Variants in FNTB observed in about 807,000 individuals in gnomAD.
FNTB encodes the protein protein farnesyltransferase subunit beta.
In FNTB, 27 loss-of-function variants were observed where a neutral mutation model predicts 59.4. That is an observed-to-expected ratio of 0.45 (90% CI 0.34 to 0.63). FNTB has a LOEUF of 0.63. Ranked by LOEUF, FNTB falls within the 20% of genes least tolerant of loss-of-function variation. The probability of loss-of-function intolerance (pLI) is 0.02; values close to 1 mark genes in which losing one functional copy is unlikely to be tolerated. For missense variants in FNTB, 449 were observed against 559.6 expected (o/e 0.80, Z 1.99); for synonymous variants, 230 against 220.7 (o/e 1.04, Z -0.37).
At chr14:65,059,065 C>T (rs1327778202) in intron 11 of FNTB, among the ~76,000 whole-genome samples, 1 of 152,102 alleles carries the variant, frequency 6.6e-6, no homozygotes, top group African/African-American at 2.4e-5. Flanking sequence ...CTCTGTCACT[C>T]ATGCTGGAGT....
rs1290254230 is a variant in FNTB at position 65,012,779 on chromosome 14, G to A, written c.282+390G>A. 1.3e-5 allele frequency among the ~76,000 whole-genome samples: 2 copies of A among 152,316 alleles called. No homozygotes were observed. Among genetic ancestry groups the A allele is most frequent in the Middle Eastern group, 3.4e-3 (1 of 294 alleles). On this transcript the variant is annotated intron_variant, in intron 3 of 11. Transcript: ENST00000246166. The surrounding 1 kb of genome is among the most constrained non-coding windows in gnomAD (Gnocchi z 5.0). ...GAGGACTATTGTCCAAACCTGTTAA[G>A]TCTGTATCGTGATGGTTACAAATTT...
intron 7 of FNTB, among the ~76,000 whole-genome samples, chr14:65,034,612 G>C (rs1300255637): frequency 1.3e-5 from 2 of 152,228 alleles, no homozygotes; most frequent in Non-Finnish European, 2.9e-5. Context: ...CTATAGTTGA[G>C]AGCTGGAGAG....
chr14:64,994,506 T>G lies in FNTB; in HGVS notation c.144+7409T>G, dbSNP rs946283891. 4.6e-5 allele frequency among the ~76,000 whole-genome samples: 7 copies of G among 152,234 alleles called. No homozygotes were observed. Among genetic ancestry groups the G allele is most frequent in the Non-Finnish European group, 8.8e-5 (6 of 68,036 alleles). On this transcript the variant is annotated intron_variant, in intron 1 of 11. Transcript: ENST00000246166. The surrounding 1 kb of genome is among the most constrained non-coding windows in gnomAD (Gnocchi z 4.2). ...GCTATATGGTATAGCTTGTTGCTCC[T>G]AGGCTACAGGCTACAAACCTACACA...
chr14:65,053,254 C>A lies in FNTB; in HGVS notation c.972C>A (p.Ser324Arg). 7.0e-7 allele frequency: 1 copy of A among 1,424,052 alleles called. No individual in the cohort carries two copies. Among genetic ancestry groups the A allele is most frequent in the Admixed American group, 2.5e-5 (1 of 40,720 alleles). The allele number at this position is 1,424,052 out of a possible 1,614,324, so 88.2% of individuals were successfully genotyped here. The change falls in exon 10 of 12, where the codon AGC (serine) becomes AGA (arginine). Residue 324 changes from serine to arginine, a missense_variant. This residue lies in a region of FNTB where 337 missense variants were observed against 479.1 expected (regional missense o/e 0.70). Transcript: ENST00000246166. ...CTTCAACAGGTGACCCTGCCCTTAGCATGAGCCACTGGATGTTCCATCAGC... is the reference window on the plus strand; with the variant it reads ...CTTCAACAGGTGACCCTGCCCTTAGAATGAGCCACTGGATGTTCCATCAGC... ...ALHAQGDPAL[S>R]MSHWMFHQQA...
intron 1 of FNTB, among the ~76,000 whole-genome samples, chr14:64,993,718 G>A (rs1237980622): frequency 6.6e-6 from 1 of 152,194 alleles, no homozygotes; most frequent in Admixed American, 6.5e-5. Context: ...TGGTATGAAA[G>A]TTGGTGCCTC....
intron 1 of FNTB, among the ~76,000 whole-genome samples, chr14:64,999,780 A>G (rs979469517): frequency 2.6e-5 from 4 of 152,228 alleles, no homozygotes; most frequent in Non-Finnish European, 5.9e-5. Context: ...TAATACACAG[A>G]TAGTCATCAG....
intron 1 of FNTB, among the ~76,000 whole-genome samples, chr14:65,003,123 G>T (rs1292048490): frequency 2.6e-5 from 4 of 152,130 alleles, no homozygotes; most frequent in African/African-American, 9.7e-5. Context: ...ATTATGGTGT[G>T]GTCTTCAGAA....
intron 7 of FNTB, among the ~76,000 whole-genome samples, chr14:65,037,759 TA>T (rs1252746618): frequency 7.2e-6 from 1 of 138,288 alleles, no homozygotes; most frequent in Non-Finnish European, 1.5e-5. Context: ...TTTATTTATT[TA>T]TTTATTTATT....
intron 1 of FNTB, among the ~76,000 whole-genome samples, chr14:64,992,683 A>G (rs1888247005): frequency 6.6e-6 from 1 of 152,068 alleles, no homozygotes; most frequent in African/African-American, 2.4e-5. Context: ...CGGTGATGCA[A>G]TCACCACTCA....
chr14:65,035,232 A>G (rs1246906279), intron 7 of FNTB, among the ~76,000 whole-genome samples: 2 of 152,122 alleles, frequency 1.3e-5, no homozygotes, highest in Non-Finnish European at 2.9e-5. Flanking sequence ...GCCCTGGGCT[A>G]TGGCTGCCAT....
At chr14:64,987,258 C>T (rs1323506696) in intron 1 of FNTB, 161 bp downstream of exon 1, 3 of 835,950 alleles carry the variant, frequency 3.6e-6, no homozygotes, top group Non-Finnish European at 5.5e-6. Context: ...CAGGCTTGGG[C>T]TTCGTCGTGG....
chr14:65,002,259 C>G (rs1200386460), intron 1 of FNTB, among the ~76,000 whole-genome samples: 1 of 152,240 alleles, frequency 6.6e-6, no homozygotes, highest in Non-Finnish European at 1.5e-5. Context: ...CAGGAGCTCT[C>G]CCATGAGACC....
At chr14:65,005,505 CT>C (rs762123788) in intron 2 of FNTB, among the ~76,000 whole-genome samples, 17 of 121,562 alleles carry the variant, frequency 1.4e-4, no homozygotes, top group African/African-American at 5.4e-4. Flanking sequence ...TTCTTTCTTT[CT>C]TTCTTTCTCT....
rs1221672073 is a variant in FNTB, at chr14:65,023,086, C to T, written c.375-4367C>T. On this transcript the variant is annotated intron_variant, in intron 4 of 11. Coordinates refer to ENST00000246166, the MANE Select transcript of FNTB (RefSeq NM_002028.4). This position sits in a 1 kb window ranked among gnomAD's most constrained non-coding sequence, Gnocchi z 4.1. ...ATTGATTAATTGATTGAGACAGGGT[C>T]TCACTCTATTGTCTGGGCTGGAATG... 6.6e-6 allele frequency among the ~76,000 whole-genome samples: 1 copy of T among 152,198 alleles called. No individual in the cohort carries two copies. Among genetic ancestry groups the T allele is most frequent in the African/African-American group, 2.4e-5 (1 of 41,438 alleles).
intron 2 of FNTB, among the ~76,000 whole-genome samples, chr14:65,010,933 A>T (rs2061673839): frequency 6.6e-6 from 1 of 151,978 alleles, no homozygotes; most frequent in Admixed American, 6.6e-5. Flanking sequence ...TTGAATTAAA[A>T]TTTTCTCCTT....
At chr14:65,045,918 G>C (rs574550479) in intron 9 of FNTB, among the ~76,000 whole-genome samples, 35 of 152,328 alleles carry the variant, frequency 2.3e-4, no homozygotes, top group Non-Finnish European at 4.3e-4. Flanking sequence ...TGACTTTGGA[G>C]CCTGCACAGT....
intron 4 of FNTB, among the ~76,000 whole-genome samples, chr14:65,018,727 T>G (rs1418454339): frequency 2.7e-5 from 4 of 150,450 alleles, no homozygotes; most frequent in Non-Finnish European, 5.9e-5. Flanking sequence ...GGAGAATTGC[T>G]TGAATCTGGG....
intron 9 of FNTB, among the ~76,000 whole-genome samples, chr14:65,051,941 C>T (rs1452075876): frequency 6.6e-6 from 1 of 151,680 alleles, no homozygotes; most frequent in Non-Finnish European, 1.5e-5. Context: ...ACTACAGGCG[C>T]CCACCACCAT....
chr14:65,010,109 C>T (rs375327270), intron 2 of FNTB, among the ~76,000 whole-genome samples: 2 of 152,226 alleles, frequency 1.3e-5, no homozygotes, highest in Admixed American at 6.5e-5. Flanking sequence ...GTTGTCTTTT[C>T]CCCTCAGTCT....
Sources: gnomAD v4.1 joint callset for allele counts (sites outside exome capture counted in the v4.1 genomes callset) on GRCh38, gnomAD v4.1.1 for gene constraint, gnomAD v4.1.1 regional missense constraint, Gnocchi (gnomAD v3.1) non-coding constraint, MANE v1.5 for transcripts, NCBI Gene and HGNC (gene_info 2026-07-23, HGNC 2026-07-21) for gene names.